Variants in UBE2O observed in about 807,000 individuals in gnomAD.
UBE2O encodes ubiquitin conjugating enzyme E2 O, also known as (E3-independent) E2 ubiquitin-conjugating enzyme.
Under a neutral mutation model 125.8 loss-of-function variants are expected in UBE2O, and 15 were observed. The ratio of observed to expected loss-of-function variants is 0.12; its 90% CI spans 0.08 to 0.18. UBE2O has a LOEUF of 0.18. Ranked by LOEUF, UBE2O falls within the 10% of genes least tolerant of loss-of-function variation. The pLI is 1.00. For synonymous variants in UBE2O, 708 were observed against 703.2 expected, an observed-to-expected ratio of 1.01 and a Z score of -0.11; for missense variants, 1,280 against 1,723.6, an observed-to-expected ratio of 0.74 and a Z score of 4.56.
rs201526520 is a variant in UBE2O, at chr17:76,398,231, C to T, written c.2025+24G>A. ...GTGCACAGGGCAGTGAGCAGCCATC[C>T]AGAACTTGAATTTGAAGGCGTACCT... On this transcript the variant is annotated intron_variant, in intron 12 of 17. Transcript: ENST00000319380. The surrounding 1 kb of genome is among the most constrained non-coding windows in gnomAD (Gnocchi z 5.4). 8 of 1,613,932 alleles carry T rather than the reference C, an allele frequency of 5.0e-6. No homozygotes were observed. Among genetic ancestry groups the T allele is most frequent in the Non-Finnish European group, 6.8e-6 (8 of 1,179,964 alleles).
intron 1 of UBE2O, among the ~76,000 whole-genome samples, chr17:76,424,207 CT>C (rs569775028): frequency 0.018 from 1,927 of 105,300 alleles, 39 homozygotes; most frequent in African/African-American, 0.063. Flanking sequence ...CGCGCCCGGC[CT>C]TTTTTTTTTT....
intron 1 of UBE2O, among the ~76,000 whole-genome samples, chr17:76,450,734 G>A (rs534762688): frequency 2.0e-5 from 3 of 152,000 alleles, no homozygotes; most frequent in African/African-American, 4.8e-5. Context: ...CAATTCTCCC[G>A]CCTCAGCCTC....
rs1227919526 is a variant in UBE2O, at chr17:76,398,676, T to C, written c.1784-92A>G. On this transcript the variant is annotated intron_variant, in intron 10 of 17. Transcript: ENST00000319380. This position sits in a 1 kb window ranked among gnomAD's most constrained non-coding sequence, Gnocchi z 5.4. Reference sequence around the variant, plus strand: ...CAGTGCAGAGTGCAGAACCCTGACCTTCCCCCGTCTTGGAAGTGGTGAGAC... The same window carrying C: ...CAGTGCAGAGTGCAGAACCCTGACCCTCCCCCGTCTTGGAAGTGGTGAGAC... The C allele has an allele frequency of 2.0e-6, 3 of 1,476,726 alleles. No homozygotes were observed. The highest frequency in any genetic ancestry group is 1.9e-6 in the Non-Finnish European group (2 of 1,071,372). The allele number at this position is 1,476,726 out of a possible 1,614,324, so 91.5% of individuals were successfully genotyped here. A position where few individuals can be genotyped will look rare whatever the true frequency, so the allele number is the denominator to read the frequency against.
intron 1 of UBE2O, among the ~76,000 whole-genome samples, chr17:76,427,889 T>C (rs1204724268): frequency 6.6e-6 from 1 of 152,234 alleles, no homozygotes; most frequent in Non-Finnish European, 1.5e-5. Context: ...TTCAACTCCA[T>C]GCTTCACGTG....
rs1157621969 is a variant in UBE2O, at chr17:76,397,792, G to A, written c.2115+7C>T. On this transcript the variant is annotated splice_region_variant and intron_variant, in intron 13 of 17. Coordinates refer to ENST00000319380, the MANE Select transcript of UBE2O (RefSeq NM_022066.4). Reference sequence around the variant, plus strand: ...AGCTCAGCAGGGGGGTCTTGCCAGAGCCTCACCTGGGGCAGGATGATGGTC... The same window carrying A: ...AGCTCAGCAGGGGGGTCTTGCCAGAACCTCACCTGGGGCAGGATGATGGTC... 1.2e-6 allele frequency: 2 copies of A among 1,614,082 alleles called. No individual in the cohort carries two copies. The highest frequency in any genetic ancestry group is 2.2e-5 in the East Asian group (1 of 44,886).
intron 1 of UBE2O, among the ~76,000 whole-genome samples, chr17:76,435,245 T>C (rs961293564): frequency 4.6e-5 from 7 of 152,066 alleles, no homozygotes; most frequent in African/African-American, 1.4e-4. Context: ...AAAGCTAAAA[T>C]ATAAAAAAGG....
Position 76,405,278 on chromosome 17 carries a change from G to C in UBE2O, c.516C>G (p.Asp172Glu), listed in dbSNP as rs149287414. 16 of 1,613,392 alleles carry C rather than the reference G, an allele frequency of 9.9e-6. No homozygotes were observed. Among genetic ancestry groups the C allele is most frequent in the Non-Finnish European group, 1.3e-5 (15 of 1,179,492 alleles). Residue 172 changes from aspartate to glutamate, a missense_variant, in exon 3 of 18, where the codon GAC (aspartate) becomes GAG (glutamate). Physicochemically the swap from Asp to Glu is conservative, Grantham distance 45 (BLOSUM62 2). Transcript: ENST00000319380. This position sits in a 1 kb window ranked among gnomAD's most constrained non-coding sequence, Gnocchi z 6.1. ...QCGTVIDVNIDCAVKLIGTNC... is the reference protein window; with the variant it reads ...QCGTVIDVNIECAVKLIGTNC... ...TGGTGCCGATGAGCTTGACGGCACA[G>C]TCGATGTTGACGTCGATCACCGTGC...
rs777488823 is a variant in UBE2O at position 76,391,283 on chromosome 17, G to C, written c.3539C>G (p.Ser1180Cys). The C allele has an allele frequency of 6.2e-7, 1 of 1,612,848 alleles. No homozygotes were observed. The highest frequency in any genetic ancestry group is 1.1e-5 in the South Asian group (1 of 91,076). ...TCCATCCTCAGGTTCTTGTTGGCCG[G>C]AGTCTGACAGCTCGGCTACAGCTGG... Reference protein sequence around the residue: ...EPPAVAELSDSGQQEPEDGGP... With the variant: ...EPPAVAELSDCGQQEPEDGGP... The change falls in exon 18 of 18, where the codon TCC (serine) becomes TGC (cysteine). Residue 1180 changes from serine (S) to cysteine (C), a missense_variant. By Grantham distance (112) the Ser-to-Cys change is moderately radical. This residue lies in a region of UBE2O where 233 missense variants were observed against 279.0 expected (regional missense o/e 0.84). Coordinates refer to ENST00000319380, the MANE Select transcript of UBE2O (RefSeq NM_022066.4). The surrounding 1 kb of genome is among the most constrained non-coding windows in gnomAD (Gnocchi z 8.4).
chr17:76,418,069 G>A (rs913008672), intron 1 of UBE2O, among the ~76,000 whole-genome samples: 4 of 152,164 alleles, frequency 2.6e-5, no homozygotes, highest in South Asian at 2.1e-4. Context: ...GCTGGGACAC[G>A]TGGAGTGGGC....
At chr17:76,432,184 C>T (rs749326133) in intron 1 of UBE2O, among the ~76,000 whole-genome samples, 3 of 152,148 alleles carry the variant, frequency 2.0e-5, no homozygotes, top group Admixed American at 6.5e-5. Context: ...GGCCCCCTAT[C>T]GCCAGGCACA....
In UBE2O at chr17:76,423,725, T is replaced by TAAATAAATAAATAAATAAAA. The variant is rs1407680083; in HGVS notation, c.418-18154_418-18153insTTTTATTTATTTATTTATTT. 7.3e-3 allele frequency among the ~76,000 whole-genome samples: 1,090 copies of TAAATAAATAAATAAATAAAA among 148,796 alleles called. 8 individuals carry two copies. Among genetic ancestry groups the TAAATAAATAAATAAATAAAA allele is most frequent in the African/African-American group, 0.012 (471 of 40,528 alleles). Reference sequence around the variant, plus strand: ...ATAAATAAATAAATAAATAAATAAATAAAAAATAAGGTCAGGCAGGAAGCT... The same window carrying TAAATAAATAAATAAATAAAA: ...ATAAATAAATAAATAAATAAATAAATAAATAAATAAATAAATAAAAAAAAAATAAGGTCAGGCAGGAAGCT... On this transcript the variant is annotated intron_variant, in intron 1 of 17. Transcript: ENST00000319380.
At chr17:76,426,189 A>T (rs2072807860) in intron 1 of UBE2O, among the ~76,000 whole-genome samples, 1 of 152,158 alleles carries the variant, frequency 6.6e-6, no homozygotes, top group South Asian at 2.1e-4. Flanking sequence ...TTTTTTGTAG[A>T]GACAGGGTTT....
intron 1 of UBE2O, among the ~76,000 whole-genome samples, chr17:76,422,108 A>G (rs903069264): frequency 1.3e-5 from 2 of 152,174 alleles, no homozygotes; most frequent in Non-Finnish European, 2.9e-5. Context: ...TCTATGTGTG[A>G]TAAGTAATGG....
Position 76,390,761 on chromosome 17 carries a change from T to G in UBE2O, c.*182A>C. ...CGCCTGTTGAAAGCTCGCTTCAAAA[T>G]AGAAACGGCAGCATCTCAACACACT... On this transcript the variant is annotated 3_prime_UTR_variant, in exon 18 of 18. Coordinates refer to ENST00000319380, the MANE Select transcript of UBE2O (RefSeq NM_022066.4). The G allele has an allele frequency of 3.6e-6, 2 of 550,270 alleles. No individual in the cohort carries two copies. The highest frequency in any genetic ancestry group is 6.4e-5 in the East Asian group (2 of 31,464). The allele number at this position is 550,270 out of a possible 1,614,324, so 34.1% of individuals were successfully genotyped here. A position where few individuals can be genotyped will look rare whatever the true frequency, so the allele number is the denominator to read the frequency against.
chr17:76,453,061 G>GGCCGGGACTGCCTCCGGGGCTGGA lies in UBE2O; in HGVS notation c.57_80dup (p.Pro22_Ala29dup), dbSNP rs2073286346. 1 of 1,319,806 alleles carries GGCCGGGACTGCCTCCGGGGCTGGA rather than the reference G, an allele frequency of 7.6e-7. No individual in the cohort carries two copies. The highest frequency in any genetic ancestry group is 1.6e-5 in the African/African-American group (1 of 64,124). The allele number at this position is 1,319,806 out of a possible 1,614,324, so 81.8% of individuals were successfully genotyped here. On this transcript the variant is annotated inframe_insertion, in exon 1 of 18. Transcript: ENST00000319380. ...GCGCCGGGACGGGGGCTGCGGCTGG[G>GGCCGGGACTGCCTCCGGGGCTGGA]GCCGGGACTGCCTCCGGGGCTGGAG...
At chr17:76,425,225 CAAA>C (rs58377572) in intron 1 of UBE2O, among the ~76,000 whole-genome samples, 195 of 95,054 alleles carry the variant, frequency 2.1e-3, no homozygotes, top group Middle Eastern at 6.6e-3. Context: ...GTCCTTTCGA[CAAA>C]AAAAAAAAAA....
At chr17:76,435,959 T>C (rs2072990340) in intron 1 of UBE2O, among the ~76,000 whole-genome samples, 1 of 152,218 alleles carries the variant, frequency 6.6e-6, no homozygotes, top group Admixed American at 6.5e-5. Context: ...ATTCTCATCA[T>C]CGTTAGGCCC....
chr17:76,403,336 C>A (rs568650446), intron 3 of UBE2O, among the ~76,000 whole-genome samples: 215 of 152,148 alleles, frequency 1.4e-3, no homozygotes, highest in Middle Eastern at 0.014. Context: ...ATGGTGTGAT[C>A]TTGGCTTAAT....
chr17:76,421,199 C>T (rs144974784), intron 1 of UBE2O, among the ~76,000 whole-genome samples: 2 of 152,226 alleles, frequency 1.3e-5, no homozygotes, highest in Admixed American at 6.5e-5. Flanking sequence ...CAGTGAGCTC[C>T]CTAGAGCTGA....
Sources: gnomAD v4.1 joint callset for allele counts (sites outside exome capture counted in the v4.1 genomes callset) on GRCh38, gnomAD v4.1.1 for gene constraint, gnomAD v4.1.1 regional missense constraint, Gnocchi (gnomAD v3.1) non-coding constraint, MANE v1.5 for transcripts, NCBI Gene and HGNC (gene_info 2026-07-23, HGNC 2026-07-21) for gene names.